PPP2R5C: variants seen among roughly 807,000 people sequenced by gnomAD.
The protein encoded by PPP2R5C is protein phosphatase 2 regulatory subunit B'gamma.
A neutral mutation model predicts 68.9 loss-of-function variants in PPP2R5C; 7 were observed. The observed-to-expected ratio is 0.10, with a 90% CI of 0.06 to 0.19. The LOEUF is 0.19. PPP2R5C is among the 10% of genes least tolerant of loss of function. The pLI is 1.00. For missense variants in PPP2R5C, 348 were observed against 641.3 expected (o/e 0.54, Z 4.94); for synonymous variants, 210 against 222.2 (o/e 0.95, Z 0.49).
At chr14:101,800,462 C>T (rs1281650090) in intron 3 of PPP2R5C, among the ~76,000 whole-genome samples, 1 of 152,004 alleles carries the variant, frequency 6.6e-6, no homozygotes, top group Non-Finnish European at 1.5e-5. Flanking sequence ...ACTCAGGAGG[C>T]TGAAGCACAA....
intron 6 of PPP2R5C, among the ~76,000 whole-genome samples, chr14:101,892,622 A>G (rs966774728): frequency 6.6e-6 from 1 of 152,182 alleles, no homozygotes; most frequent in Non-Finnish European, 1.5e-5. Context: ...TGATACACAC[A>G]CACATACACA....
chr14:101,822,076 C>T (rs2040111245), intron 1 of PPP2R5C, among the ~76,000 whole-genome samples: 1 of 128,750 alleles, frequency 7.8e-6, no homozygotes, highest in Non-Finnish European at 1.6e-5. Flanking sequence ...ACCACCACCC[C>T]CTGCCCCCCC....
intron 1 of PPP2R5C, chr14:101,818,905 G>A (rs551234003): frequency 1.1e-5 from 12 of 1,051,196 alleles, no homozygotes; most frequent in Admixed American, 6.5e-5. Flanking sequence ...ATGGATTTTT[G>A]TCTGCTGGTT....
At chr14:101,911,551 G>A (rs1298228106) in intron 11 of PPP2R5C, among the ~76,000 whole-genome samples, 1 of 152,092 alleles carries the variant, frequency 6.6e-6, no homozygotes, top group Non-Finnish European at 1.5e-5. Context: ...TTCCCAACAG[G>A]ACCTTAAAGG....
rs76800793 is a variant in PPP2R5C, at chr14:101,889,766, A to G, written c.630-471A>G. The G allele has an allele frequency of 5.2e-3, 1,810 of 347,172 alleles. 32 individuals carry two copies. Among genetic ancestry groups the G allele is most frequent in the African/African-American group, 0.036 (1,663 of 46,188 alleles). The allele number at this position is 347,172 out of a possible 1,614,324, so 21.5% of individuals were successfully genotyped here. On this transcript the variant is annotated intron_variant, in intron 5 of 13. Transcript: ENST00000334743. ...TAAGAGGAGTTCAGGAATCACTTCT[A>G]CCCTTTGCAGGAACTGTGCTAAATA...
intron 1 of PPP2R5C, among the ~76,000 whole-genome samples, chr14:101,815,549 A>G (rs188242569): frequency 1.8e-3 from 280 of 152,344 alleles, no homozygotes; most frequent in African/African-American, 5.9e-3. Flanking sequence ...TCCCGAGGAC[A>G]GTCCTGTTGA....
intron 1 of PPP2R5C, among the ~76,000 whole-genome samples, chr14:101,848,309 G>T (rs1347341635): frequency 6.6e-6 from 1 of 152,018 alleles, no homozygotes; most frequent in East Asian, 1.9e-4. Context: ...AAGGCAGGCG[G>T]ATCACAAGGT....
chr14:101,866,699 G>A (rs2140710309), intron 2 of PPP2R5C, among the ~76,000 whole-genome samples: 1 of 152,218 alleles, frequency 6.6e-6, no homozygotes, highest in African/African-American at 2.4e-5. Context: ...TAAAAAAGCT[G>A]AAGGAATATA....
At chr14:101,760,978 G>C (rs1381385753), upstream of PPP2R5C, among the ~76,000 whole-genome samples, 1 of 110,458 alleles carries the variant, frequency 9.1e-6, no homozygotes, top group Non-Finnish European at 2.0e-5. Context: ...GGGAGGGGAG[G>C]GGAGGGCAGG....
rs2042317556 is a variant in PPP2R5C at position 101,854,617 on chromosome 14, G to T, written c.95-2069G>T. Among the ~76,000 whole-genome samples, 4 of 152,088 alleles carry T rather than the reference G, an allele frequency of 2.6e-5. No individual in the cohort carries two copies. In the South Asian group the frequency reaches 8.3e-4, roughly 31 times the overall value. ...ATGCTCGGCACCAGAGGAAGCAGAG[G>T]AGCTGCAGGAAAGCAGCAACACCCC... On this transcript the variant is annotated intron_variant, in intron 1 of 13. Transcript: ENST00000334743.
chr14:101,770,357 G>A (rs1230931314), intron 2 of PPP2R5C, among the ~76,000 whole-genome samples: 1 of 152,206 alleles, frequency 6.6e-6, no homozygotes, highest in Non-Finnish European at 1.5e-5. Flanking sequence ...AGTAGTGGCT[G>A]TTTCCATCAT....
chr14:101,785,269 T>C (rs2038039315), intron 2 of PPP2R5C, among the ~76,000 whole-genome samples: 2 of 152,130 alleles, frequency 1.3e-5, no homozygotes, highest in African/African-American at 4.8e-5. Flanking sequence ...CGTATTCATC[T>C]CCTTGCACCA....
At chr14:101,922,186 A>G in intron 13 of PPP2R5C, 5 of 985,372 alleles carry the variant, frequency 5.1e-6, no homozygotes, top group Non-Finnish European at 6.0e-6. Context: ...CAAAACAAAG[A>G]AAGAAATTTG....
chr14:101,805,549 T>C (rs1201054209), upstream of PPP2R5C, among the ~76,000 whole-genome samples: 1 of 152,208 alleles, frequency 6.6e-6, no homozygotes, highest in Non-Finnish European at 1.5e-5. Flanking sequence ...ATTTCACTTG[T>C]TGGATATACA....
chr14:101,845,208 G>T (rs1165037459), intron 1 of PPP2R5C, among the ~76,000 whole-genome samples: 2 of 152,126 alleles, frequency 1.3e-5, no homozygotes, highest in African/African-American at 4.8e-5. Context: ...CCTGCAGCCG[G>T]AGTGAAGGTT....
chr14:101,762,906 A>C, exon 2 of PPP2R5C: 1 of 1,581,688 alleles, frequency 6.3e-7, no homozygotes, highest in Non-Finnish European at 8.6e-7. Context: ...GTTTACCAGG[A>C]ATCACCAAAA....
chr14:101,867,850 C>A (rs1439438160), intron 2 of PPP2R5C, among the ~76,000 whole-genome samples: 1 of 152,112 alleles, frequency 6.6e-6, no homozygotes, highest in Non-Finnish European at 1.5e-5. Flanking sequence ...CTGTTTTTAT[C>A]AGGACTCTTG....
At chr14:101,763,797 C>G (rs1272980774) in intron 2 of PPP2R5C, among the ~76,000 whole-genome samples, 1 of 152,200 alleles carries the variant, frequency 6.6e-6, no homozygotes, top group Non-Finnish European at 1.5e-5. Context: ...AGGGTCATCT[C>G]CCCACCGCCA....
At position 101,817,289 on chromosome 14, in the gene PPP2R5C, G is replaced by A. The variant is rs530677937; in HGVS notation, c.94+7253G>A. On this transcript the variant is annotated intron_variant, in intron 1 of 13. Transcript: ENST00000334743. The stretch of plus-strand genomic sequence containing the variant: ...TATTTTTAAAAAATAAGGCTGTTTC[G>A]CTCTCTTATCATTTCAATATTCTCT... Among the ~76,000 whole-genome samples the A allele has an allele frequency of 3.4e-4, 51 of 152,118 alleles. 1 individual carries two copies. The highest frequency in any genetic ancestry group is 2.5e-3 in the South Asian group (12 of 4,824).
Sources: gnomAD v4.1 joint callset for allele counts (sites outside exome capture counted in the v4.1 genomes callset) on GRCh38, gnomAD v4.1.1 for gene constraint, MANE v1.5 for transcripts, NCBI Gene and HGNC (gene_info 2026-07-23, HGNC 2026-07-21) for gene names.